UBE2W: variants seen among roughly 807,000 people sequenced by gnomAD.
The protein encoded by UBE2W is ubiquitin conjugating enzyme E2 W, also known as ubiquitin-conjugating enzyme E2 W.
A neutral mutation model predicts 27.2 loss-of-function variants in UBE2W; 18 were observed. The observed-to-expected ratio is 0.66, with a 90% confidence interval of 0.46 to 0.98. The LOEUF (loss-of-function observed/expected upper bound fraction) is 0.98, where lower values mean the gene tolerates loss of function less well. Among genes scored for constraint, UBE2W ranks in the 50% least tolerant of loss-of-function variants. The pLI is 0.00. For missense variants in UBE2W, 90 were observed against 180.2 expected, an observed-to-expected ratio of 0.50 and a Z score of 2.87; for synonymous variants, 53 against 57.2, an observed-to-expected ratio of 0.93 and a Z score of 0.33.
In UBE2W at chr8:73,790,114, C is replaced by A; in HGVS notation, c.*3988G>T. On this transcript the variant is annotated 3_prime_UTR_variant, in exon 6 of 6. Transcript: ENST00000602593. Reference sequence around the variant, plus strand: ...TCCATGTATTTTATTTGTAGGAGAGCATTTTAAATTTTTCAAAAATTCATG... The same window carrying A: ...TCCATGTATTTTATTTGTAGGAGAGAATTTTAAATTTTTCAAAAATTCATG... The A allele has an allele frequency of 1.0e-6, 1 of 984,640 alleles. No individual in the cohort carries two copies. Among genetic ancestry groups the A allele is most frequent in the Non-Finnish European group, 1.2e-6 (1 of 829,638 alleles). 61.0% of individuals were successfully genotyped at this position (984,640 alleles called of 1,614,324 possible).
At chr8:73,866,284 A>ATATAT (rs1479673786) in intron 1 of UBE2W, among the ~76,000 whole-genome samples, 7 of 95,328 alleles carry the variant, frequency 7.3e-5, no homozygotes, top group African/African-American at 8.6e-5. Context: ...AAAAAAAAAA[A>ATATAT]AAAAAAATAT....
intron 1 of UBE2W, among the ~76,000 whole-genome samples, chr8:73,840,060 C>T (rs957193344): frequency 4.7e-5 from 7 of 150,236 alleles, no homozygotes; most frequent in African/African-American, 1.5e-4. Flanking sequence ...TTTTTCTTTT[C>T]TTTTTTTTCC....
intron 3 of UBE2W, among the ~76,000 whole-genome samples, chr8:73,823,457 T>C (rs1809705259): frequency 6.6e-6 from 1 of 152,184 alleles, no homozygotes; most frequent in East Asian, 1.9e-4. Context: ...AGCTTTTGAA[T>C]TGGTGTGAAA....
intron 5 of UBE2W, among the ~76,000 whole-genome samples, chr8:73,801,486 TTGTAA>T (rs1808641751): frequency 6.6e-6 from 1 of 152,218 alleles, no homozygotes; most frequent in Non-Finnish European, 1.5e-5. Flanking sequence ...TTAAAAACAC[TTGTAA>T]AAAAGAAGAA....
chr8:73,828,140 T>G (rs1809928409), intron 2 of UBE2W, among the ~76,000 whole-genome samples: 1 of 152,196 alleles, frequency 6.6e-6, no homozygotes, highest in Non-Finnish European at 1.5e-5. Context: ...TTCTCTCAAT[T>G]AGTCTCAGTT....
intron 3 of UBE2W, among the ~76,000 whole-genome samples, chr8:73,817,162 T>TA: frequency 6.6e-6 from 1 of 151,310 alleles, no homozygotes; most frequent in East Asian, 2.0e-4. Flanking sequence ...CATTTCTAAC[T>TA]AAAGATACAA....
chr8:73,799,897 T>C (rs1280250242), intron 5 of UBE2W, among the ~76,000 whole-genome samples: 1 of 152,156 alleles, frequency 6.6e-6, no homozygotes, highest in African/African-American at 2.4e-5. Flanking sequence ...AGTCCATATG[T>C]CTTGGTAACT....
chr8:73,790,805 C>T lies in UBE2W; in HGVS notation c.*3297G>A. ...ACATAACCATTTTCATATCACTACT[C>T]ATTTCCATTATTTACCAATTCATCT... On this transcript the variant is annotated 3_prime_UTR_variant, in exon 6 of 6. Coordinates refer to ENST00000602593, the MANE Select transcript of UBE2W (RefSeq NM_018299.6). The T allele has an allele frequency of 1.0e-6, 1 of 983,862 alleles. No homozygotes were observed. Among genetic ancestry groups the T allele is most frequent in the Non-Finnish European group, 1.2e-6 (1 of 828,558 alleles). 60.9% of individuals were successfully genotyped at this position (983,862 alleles called of 1,614,324 possible).
chr8:73,781,409 T>TA (rs1332244435), downstream of UBE2W, among the ~76,000 whole-genome samples: 1 of 152,076 alleles, frequency 6.6e-6, no homozygotes, highest in Non-Finnish European at 1.5e-5. Context: ...CGTCTCCACT[T>TA]ACTAATTGAC....
chr8:73,832,136 A>ATAT (rs1563601304), intron 1 of UBE2W, among the ~76,000 whole-genome samples: 10 of 145,348 alleles, frequency 6.9e-5, no homozygotes, highest in African/African-American at 2.6e-4. Flanking sequence ...AAAATAAATA[A>ATAT]ATATATATAT....
intron 1 of UBE2W, among the ~76,000 whole-genome samples, 182 bp downstream of exon 1, chr8:73,878,626 C>G (rs954612553): frequency 6.6e-6 from 1 of 152,196 alleles, no homozygotes; most frequent in Admixed American, 6.5e-5. Flanking sequence ...ACCGCACCCC[C>G]CACAACGCCT....
chr8:73,790,065 C>T lies in UBE2W; in HGVS notation c.*4037G>A, dbSNP rs1386427157. 1 of 984,918 alleles carries T rather than the reference C, an allele frequency of 1.0e-6. No individual in the cohort carries two copies. Among genetic ancestry groups the T allele is most frequent in the African/African-American group, 1.7e-5 (1 of 57,160 alleles). 61.0% of individuals were successfully genotyped at this position (984,918 alleles called of 1,614,324 possible). A position where few individuals can be genotyped will look rare whatever the true frequency, so the allele number is the denominator to read the frequency against. On this transcript the variant is annotated 3_prime_UTR_variant, in exon 6 of 6. Transcript: ENST00000602593. ...TTCAACAAATTTAGCCATCTACTGA[C>T]AAACTGAAATTAGTATCAGAAACTC...
chr8:73,810,717 TA>T, intron 3 of UBE2W, 88 bp from the exon 4 acceptor site: 2 of 1,147,488 alleles, frequency 1.7e-6, no homozygotes, highest in Non-Finnish European at 1.2e-6. Context: ...ATATTGATTA[TA>T]AAAAAACAAA....
At chr8:73,812,444 T>C (rs547401117) in intron 3 of UBE2W, among the ~76,000 whole-genome samples, 1 of 151,852 alleles carries the variant, frequency 6.6e-6, no homozygotes, top group Non-Finnish European at 1.5e-5. Flanking sequence ...AAACAAATGC[T>C]TACATGGTCT....
intron 3 of UBE2W, among the ~76,000 whole-genome samples, chr8:73,811,484 C>T (rs1181683843): frequency 1.3e-5 from 2 of 152,090 alleles, no homozygotes; most frequent in African/African-American, 4.8e-5. Flanking sequence ...TCGAAGAAAG[C>T]AGAAGTCTTA....
intron 4 of UBE2W, among the ~76,000 whole-genome samples, chr8:73,808,356 T>TCCCA (rs1809007957): frequency 6.6e-6 from 1 of 152,314 alleles, no homozygotes; most frequent in African/African-American, 2.4e-5. Context: ...TGCATCAACC[T>TCCCA]CCCAAGTAGC....
chr8:73,805,472 C>CAAAACAAAAACAAAAAACAAAAAAAA (rs1554579998), intron 5 of UBE2W, among the ~76,000 whole-genome samples, 179 bp downstream of exon 5: 5 of 43,676 alleles, frequency 1.1e-4, no homozygotes, highest in Non-Finnish European at 2.5e-4. Context: ...AAAAAAAAAA[C>CAAAACAAAAACAAAAAACAAAAAAAA]AAAAAAAACT....
intron 1 of UBE2W, among the ~76,000 whole-genome samples, chr8:73,868,392 T>C (rs1192983772): frequency 6.6e-6 from 1 of 152,238 alleles, no homozygotes; most frequent in Non-Finnish European, 1.5e-5. Context: ...AAACCTCACA[T>C]ATGCATAGCT....
intron 1 of UBE2W, among the ~76,000 whole-genome samples, chr8:73,854,377 G>T (rs1270953507): frequency 6.6e-6 from 1 of 152,112 alleles, no homozygotes; most frequent in Non-Finnish European, 1.5e-5. Context: ...AGCTTCCAGA[G>T]CTTTTAAGTT....
Sources: allele counts gnomAD v4.1 joint callset (sites outside exome capture counted in the v4.1 genomes callset), GRCh38; gene constraint gnomAD v4.1.1; transcripts MANE v1.5; gene names NCBI Gene and HGNC (gene_info 2026-07-23, HGNC 2026-07-21).